The following DZIP1L variants were observed in gnomAD, a reference collection of about 807,000 sequenced individuals.
DZIP1L encodes cilium assembly protein DZIP1L.
DZIP1L carries 90 observed loss-of-function variants against 88.7 expected under a neutral mutation model. The ratio of observed to expected loss-of-function variants is 1.02; its 90% confidence interval spans 0.86 to 1.21. DZIP1L has a LOEUF of 1.21. Ranked by LOEUF, DZIP1L falls within the 50% of genes most tolerant of loss-of-function variation. DZIP1L has a pLI of 0.00. For synonymous variants in DZIP1L, 363 were observed against 372.1 expected (o/e 0.98, Z 0.28); for missense variants, 932 against 955.8 (o/e 0.98, Z 0.33).
chr3:138,082,494 T>C (rs1316239525), intron 8 of DZIP1L, among the ~76,000 whole-genome samples: 2 of 152,276 alleles, frequency 1.3e-5, no homozygotes, highest in East Asian at 1.9e-4. Context: ...AAAGCAGTTA[T>C]AGAGAAAGGA....
chr3:138,081,163 G>A (rs1158618350), intron 9 of DZIP1L, among the ~76,000 whole-genome samples: 2 of 152,166 alleles, frequency 1.3e-5, no homozygotes, highest in African/African-American at 2.4e-5. Flanking sequence ...TGGGGGTGGA[G>A]GATGAAGGGC....
At position 138,063,346 on chromosome 3, in the gene DZIP1L, C is replaced by T. The variant is rs921020777; in HGVS notation, c.2143-369G>A. ...CAGAAACTCGACTGTTCCAAGTTCG[C>T]GAGCTGAATGCACTGTGGGCTAATG... is the stretch of plus-strand genomic sequence containing the variant. On this transcript the variant is annotated intron_variant, in intron 15 of 15. Transcript: ENST00000327532. The surrounding 1 kb of genome is among the most constrained non-coding windows in gnomAD (Gnocchi z 4.1). Among the ~76,000 whole-genome samples the T allele has an allele frequency of 6.6e-6, 1 of 152,220 alleles. No homozygotes were observed. The highest frequency in any genetic ancestry group is 1.5e-5 in the Non-Finnish European group (1 of 68,034).
rs926918062 is a variant in DZIP1L, at chr3:138,088,695, G to C, written c.871-188C>G. Reference sequence around the variant, plus strand: ...TCCCTTCACAAGGGCTCTCCTGGGGGCTCAGCCCTTGCATAGAAAAAGCAA... The same window carrying C: ...TCCCTTCACAAGGGCTCTCCTGGGGCCTCAGCCCTTGCATAGAAAAAGCAA... On this transcript the variant is annotated intron_variant, in intron 5 of 15. Transcript: ENST00000327532. 2.4e-5 allele frequency: 30 copies of C among 1,258,804 alleles called. No homozygotes were observed. In the African/African-American group the frequency reaches 4.1e-4, roughly 17 times the overall value. The allele number at this position is 1,258,804 out of a possible 1,614,324, so 78.0% of individuals were successfully genotyped here.
intron 3 of DZIP1L, among the ~76,000 whole-genome samples, chr3:138,096,878 A>C (rs1216117894): frequency 6.6e-6 from 1 of 152,174 alleles, no homozygotes; most frequent in Non-Finnish European, 1.5e-5. Flanking sequence ...TTTCTTGTTG[A>C]ACCTCAAAAA....
At position 138,084,235 on chromosome 3, in the gene DZIP1L, T is replaced by C. The variant is rs753951375; in HGVS notation, c.1081A>G (p.Arg361Gly). Residue 361 changes from arginine to glycine, a missense_variant, in exon 8 of 16, where the codon AGG becomes GGG. Physicochemically the swap from Arg to Gly is moderately radical, Grantham distance 125. Coordinates refer to ENST00000327532, the MANE Select transcript of DZIP1L (RefSeq NM_173543.3). Reference protein sequence around the residue: ...EKKELQEENQRLQASLSQDQK... With the variant: ...EKKELQEENQGLQASLSQDQK... ...TCCTGAGACAGGGAGGCCTGGAGCCTCTGGTTCTCCTCCTGTAGCTGGCAG... is the reference window on the plus strand; with the variant it reads ...TCCTGAGACAGGGAGGCCTGGAGCCCCTGGTTCTCCTCCTGTAGCTGGCAG... 13 of 1,613,866 alleles carry C rather than the reference T, an allele frequency of 8.1e-6. No individual in the cohort carries two copies. In the East Asian group the frequency reaches 2.7e-4, roughly 33 times the overall value.
At chr3:138,093,507 C>T (rs144017379) in intron 4 of DZIP1L, among the ~76,000 whole-genome samples, 7 of 152,306 alleles carry the variant, frequency 4.6e-5, no homozygotes, top group African/African-American at 1.7e-4. Context: ...GAGAATCATC[C>T]TGTTCTTTGA....
chr3:138,112,506 T>G (rs1254907984), intron 1 of DZIP1L: 1 of 152,160 alleles, frequency 6.6e-6, no homozygotes, highest in Non-Finnish European at 1.5e-5. Flanking sequence ...GCGTCCTGAT[T>G]AGGATAGGCG....
intron 8 of DZIP1L, among the ~76,000 whole-genome samples, chr3:138,082,894 G>A (rs368481626): frequency 9.2e-5 from 14 of 152,150 alleles, no homozygotes; most frequent in African/African-American, 3.1e-4. Flanking sequence ...GTATGGTTGG[G>A]GCTACAGTAG....
chr3:138,077,459 C>T (rs184763764), intron 11 of DZIP1L, 40 bp downstream of exon 11: 190 of 1,609,890 alleles, frequency 1.2e-4, no homozygotes, highest in Non-Finnish European at 1.5e-4. Context: ...GTGTCTAAAT[C>T]GTAGGTATCA....
At position 138,103,816 on chromosome 3, in the gene DZIP1L, C is replaced by T; in HGVS notation, c.156G>A (p.Val52=). The T allele has an allele frequency of 6.2e-7, 1 of 1,614,190 alleles. No homozygotes were observed. Among genetic ancestry groups the T allele is most frequent in the Non-Finnish European group, 8.5e-7 (1 of 1,180,054 alleles). Residue 52 remains valine (V), a synonymous_variant, in exon 2 of 16, where the codon GTG becomes GTA. Transcript: ENST00000327532. The part of the protein sequence containing the change: ...DVDRVARELD[V]ATLQENIAGI... ...CAGCAATATTCTCCTGCAGAGTGGC[C>T]ACATCCAGTTCCCGGGCCACGCGGT...
rs1942761735 is a variant in DZIP1L, at chr3:138,063,090, C to G, written c.2143-113G>C. On this transcript the variant is annotated intron_variant, in intron 15 of 15. Transcript: ENST00000327532. This position sits in a 1 kb window ranked among gnomAD's most constrained non-coding sequence, Gnocchi z 4.1. ...GAATGGAAATGGGGACAAATGCAGA[C>G]TGGGAAGAAAGCAATAGGGAGATGC... The G allele has an allele frequency of 8.3e-7, 1 of 1,207,222 alleles. No individual in the cohort carries two copies. Among genetic ancestry groups the G allele is most frequent in the Non-Finnish European group, 1.2e-6 (1 of 860,410 alleles). 74.8% of individuals were successfully genotyped at this position (1,207,222 alleles called of 1,614,324 possible). A position where few individuals can be genotyped will look rare whatever the true frequency, so the allele number is the denominator to read the frequency against.
intron 1 of DZIP1L, among the ~76,000 whole-genome samples, chr3:138,104,949 T>G (rs1476043340): frequency 6.6e-6 from 1 of 152,154 alleles, no homozygotes; most frequent in Non-Finnish European, 1.5e-5. Context: ...CAAAGGTACT[T>G]GTGAAAAAAT....
intron 11 of DZIP1L, among the ~76,000 whole-genome samples, chr3:138,075,714 G>A (rs924696322): frequency 8.5e-5 from 13 of 152,206 alleles, no homozygotes; most frequent in South Asian, 4.1e-4. Context: ...GCGGCCTGGC[G>A]CGGTGGCTCA....
chr3:138,089,968 C>T, intron 5 of DZIP1L, among the ~76,000 whole-genome samples: 1 of 152,004 alleles, frequency 6.6e-6, no homozygotes, highest in East Asian at 1.9e-4. Flanking sequence ...CATGGCGAAA[C>T]CCCATCTCTA....
At chr3:138,079,982 C>T (rs1943572446) in intron 10 of DZIP1L, among the ~76,000 whole-genome samples, 1 of 152,164 alleles carries the variant, frequency 6.6e-6, no homozygotes, top group African/African-American at 2.4e-5. Context: ...AGTCAGGGAG[C>T]ATCTCTCTTT....
chr3:138,066,232 T>A (rs543248150), intron 14 of DZIP1L, among the ~76,000 whole-genome samples: 3 of 152,352 alleles, frequency 2.0e-5, no homozygotes, highest in Admixed American at 2.0e-4. Context: ...AAACTATATT[T>A]GTCAAAATGT....
chr3:138,080,031 T>C (rs1400486860), intron 10 of DZIP1L, among the ~76,000 whole-genome samples: 1 of 152,140 alleles, frequency 6.6e-6, no homozygotes. Flanking sequence ...TACATCTGGT[T>C]GAGAGGTCTG....
At chr3:138,083,953 C>A (rs372423134) in intron 8 of DZIP1L, among the ~76,000 whole-genome samples, 160 bp downstream of exon 8, 2 of 152,200 alleles carry the variant, frequency 1.3e-5, no homozygotes, top group African/African-American at 4.8e-5. Flanking sequence ...CAGCTACAGC[C>A]TTATCATTTT....
At position 138,106,129 on chromosome 3, in the gene DZIP1L, T is replaced by TTCTTTC. The variant is rs1486398692; in HGVS notation, c.-81-2078_-81-2077insGAAAGA. Among the ~76,000 whole-genome samples, 4 of 46,602 alleles carry TTCTTTC rather than the reference T, an allele frequency of 8.6e-5. 1 individual carries two copies. The highest frequency in any genetic ancestry group is 6.8e-4 in the African/African-American group (4 of 5,910). The allele number at this position is 46,602 out of a possible 152,430, so 30.6% of individuals were successfully genotyped here. A position where few individuals can be genotyped will look rare whatever the true frequency, so the allele number is the denominator to read the frequency against. ...GATTACATGATTCAGTCTTCTTTCT[T>TTCTTTC]TTTTTTTTTTTTTTTTTTTTTTTTT... On this transcript the variant is annotated intron_variant, in intron 1 of 15. Coordinates refer to ENST00000327532, the MANE Select transcript of DZIP1L (RefSeq NM_173543.3).
Sources: gnomAD v4.1 joint callset for allele counts (sites outside exome capture counted in the v4.1 genomes callset) on GRCh38, gnomAD v4.1.1 for gene constraint, Gnocchi (gnomAD v3.1) non-coding constraint, MANE v1.5 for transcripts, NCBI Gene and HGNC (gene_info 2026-07-23, HGNC 2026-07-21) for gene names.